Variants in FBXL13 observed in about 807,000 individuals in gnomAD.
FBXL13 encodes the protein F-box and leucine-rich repeat protein 13.
A neutral mutation model predicts 83.6 loss-of-function variants in FBXL13; 67 were observed. The ratio of observed to expected loss-of-function variants is 0.80; its 90% CI spans 0.66 to 0.98. FBXL13 has a LOEUF of 0.98. FBXL13 is among the 50% of genes least tolerant of loss of function. The probability of loss-of-function intolerance (pLI) is 0.00; values close to 1 mark genes in which losing one functional copy is unlikely to be tolerated. For synonymous variants in FBXL13, 272 were observed against 299.5 expected (o/e 0.91, Z 0.95); for missense variants, 822 against 866.5 (o/e 0.95, Z 0.64).
intron 10 of FBXL13, among the ~76,000 whole-genome samples, chr7:102,922,493 C>G (rs934615796): frequency 2.0e-5 from 3 of 152,066 alleles, no homozygotes; most frequent in Admixed American, 2.0e-4. Flanking sequence ...TGTGCATTTA[C>G]TATAAAATTT....
At position 102,965,024 on chromosome 7, in the gene FBXL13, C is replaced by T. The variant is rs184229860; in HGVS notation, c.592-1359G>A. Among the ~76,000 whole-genome samples, 40 of 152,202 alleles carry T rather than the reference C, an allele frequency of 2.6e-4. 1 individual carries two copies. The East Asian group carries it at 7.3e-3, about 28-fold the overall frequency. ...CTGATTGGCTGATTCAATTCAGGGACAAAATGCACAGTATCTAGAGGACTT... is the reference window on the plus strand; with the variant it reads ...CTGATTGGCTGATTCAATTCAGGGATAAAATGCACAGTATCTAGAGGACTT... On this transcript the variant is annotated intron_variant, in intron 7 of 19. Transcript: ENST00000313221.
At chr7:102,851,408 C>A (rs1395101140) in intron 17 of FBXL13, among the ~76,000 whole-genome samples, 2 of 151,930 alleles carry the variant, frequency 1.3e-5, no homozygotes, top group Non-Finnish European at 2.9e-5. Flanking sequence ...TGGGACAAAC[C>A]CTTTTATAGG....
chr7:102,982,467 G>A (rs930374479), intron 6 of FBXL13, among the ~76,000 whole-genome samples: 1 of 152,056 alleles, frequency 6.6e-6, no homozygotes, highest in Non-Finnish European at 1.5e-5. Context: ...AGCCTTGCAA[G>A]GTACTCTCCC....
chr7:102,852,144 T>C (rs1805356411), intron 17 of FBXL13, among the ~76,000 whole-genome samples: 1 of 152,146 alleles, frequency 6.6e-6, no homozygotes, highest in South Asian at 2.1e-4. Context: ...TCCCTGTTTA[T>C]TTTGAATCTG....
intron 10 of FBXL13, among the ~76,000 whole-genome samples, chr7:102,914,223 C>A (rs940920222): frequency 6.6e-6 from 1 of 152,204 alleles, no homozygotes; most frequent in African/African-American, 2.4e-5. Context: ...CAGGCGCGTG[C>A]CAACATGTCC....
At chr7:102,869,455 T>C (rs1157472221) in intron 16 of FBXL13, among the ~76,000 whole-genome samples, 1 of 152,206 alleles carries the variant, frequency 6.6e-6, no homozygotes, top group African/African-American at 2.4e-5. Context: ...TTTCCTTTGC[T>C]GTACAGAAGC....
intron 6 of FBXL13, among the ~76,000 whole-genome samples, chr7:103,018,645 G>A (rs1205646836): frequency 1.3e-5 from 2 of 150,872 alleles, no homozygotes; most frequent in Non-Finnish European, 3.0e-5. Context: ...CAAGCAAATG[G>A]AAAACAAAAA....
At chr7:102,923,279 A>G (rs1817446932) in intron 10 of FBXL13, among the ~76,000 whole-genome samples, 1 of 151,662 alleles carries the variant, frequency 6.6e-6, no homozygotes, top group Non-Finnish European at 1.5e-5. Context: ...CTTTAAGTCT[A>G]AACAATCAAC....
intron 6 of FBXL13, among the ~76,000 whole-genome samples, chr7:103,017,782 A>T (rs1170691731): frequency 1.3e-5 from 2 of 152,128 alleles, no homozygotes; most frequent in East Asian, 1.9e-4. Context: ...GAAAAAAAAG[A>T]GTAAAAAGAA....
At chr7:102,814,680 A>C (rs1299749555) in intron 19 of FBXL13, among the ~76,000 whole-genome samples, 1 of 152,224 alleles carries the variant, frequency 6.6e-6, no homozygotes, top group Admixed American at 6.5e-5. Flanking sequence ...ATCATATACT[A>C]ATTCCTAGTT....
At chr7:102,845,426 A>G (rs527575522) in intron 17 of FBXL13, among the ~76,000 whole-genome samples, 57 of 152,274 alleles carry the variant, frequency 3.7e-4, no homozygotes, top group African/African-American at 1.2e-3. Context: ...ACCAAGATAT[A>G]TATATTTCCT....
chr7:103,007,199 T>A lies in FBXL13; in HGVS notation c.495+17864A>T, dbSNP rs1018151036. ...CTGAGGAAATAATGGCTGAAAACTTTCTAAATTTGCTAAAAATATAAACCC... is the reference window on the plus strand; with the variant it reads ...CTGAGGAAATAATGGCTGAAAACTTACTAAATTTGCTAAAAATATAAACCC... On this transcript the variant is annotated intron_variant, in intron 6 of 19. Transcript: ENST00000313221. 2.8e-4 allele frequency among the ~76,000 whole-genome samples: 42 copies of A among 152,096 alleles called. 2 individuals are homozygous for A. Among genetic ancestry groups the A allele is most frequent in the Non-Finnish European group, 8.8e-5 (6 of 68,020 alleles).
intron 6 of FBXL13, chr7:102,976,315 GTC>G (rs1054174319): frequency 1.5e-6 from 1 of 645,598 alleles, no homozygotes; most frequent in African/African-American, 1.8e-5. Flanking sequence ...GTCCTCCCAA[GTC>G]TCTATTGTGG....
At chr7:103,009,578 G>A (rs1325338263) in intron 6 of FBXL13, among the ~76,000 whole-genome samples, 1 of 152,058 alleles carries the variant, frequency 6.6e-6, no homozygotes, top group Non-Finnish European at 1.5e-5. Flanking sequence ...CATTTTTGAG[G>A]GGCAACTCCT....
intron 6 of FBXL13, among the ~76,000 whole-genome samples, chr7:103,014,465 C>A (rs1024182774): frequency 2.6e-5 from 4 of 152,186 alleles, no homozygotes; most frequent in African/African-American, 9.7e-5. Context: ...TGGTACCATT[C>A]TCACTGAAAT....
At chr7:103,056,184 T>C (rs1797313037) in intron 1 of FBXL13, among the ~76,000 whole-genome samples, 1 of 152,208 alleles carries the variant, frequency 6.6e-6, no homozygotes, top group African/African-American at 2.4e-5. Flanking sequence ...CATTAATTAG[T>C]TCCTTTTCAT....
chr7:103,047,134 C>T (rs1029291561), intron 2 of FBXL13: 5 of 152,290 alleles, frequency 3.3e-5, no homozygotes, highest in Admixed American at 6.5e-5. Flanking sequence ...GATAGCCAAA[C>T]GTACCTGATA....
exon 2 of FBXL13, chr7:103,055,665 C>T (rs1242099427): frequency 1.6e-6 from 2 of 1,277,432 alleles, no homozygotes; most frequent in Non-Finnish European, 2.0e-6. Context: ...CTGAAGACCA[C>T]TTTTGATTAT....
At chr7:102,917,188 T>C (rs1217967631) in intron 10 of FBXL13, among the ~76,000 whole-genome samples, 1 of 152,212 alleles carries the variant, frequency 6.6e-6, no homozygotes, top group Admixed American at 6.5e-5. Context: ...AGGGTAGACC[T>C]TGAAGTTGTC....
Sources: allele counts gnomAD v4.1 joint callset (sites outside exome capture counted in the v4.1 genomes callset), GRCh38; gene constraint gnomAD v4.1.1; transcripts MANE v1.5; gene names NCBI Gene and HGNC (gene_info 2026-07-23, HGNC 2026-07-21).